PDE10A: variants seen among roughly 807,000 people sequenced by gnomAD.
PDE10A encodes cAMP and cAMP-inhibited cGMP 3',5'-cyclic phosphodiesterase 10A.
PDE10A carries 39 observed loss-of-function variants against 97.7 expected under a neutral mutation model. That is an observed-to-expected ratio of 0.40 (90% CI 0.31 to 0.52). The LOEUF is 0.52. PDE10A is among the 20% of genes least tolerant of loss of function. The pLI is 0.56. For synonymous variants in PDE10A, 371 were observed against 376.8 expected, an observed-to-expected ratio of 0.98 and a Z score of 0.18; for missense variants, 731 against 1,047.8, an observed-to-expected ratio of 0.70 and a Z score of 4.17.
intron 13 of PDE10A, chr6:165,409,797 C>T (rs1411064635): frequency 6.6e-6 from 1 of 151,350 alleles, no homozygotes; most frequent in Non-Finnish European, 1.5e-5. Context: ...CCAATATCAA[C>T]TAATACTAGT....
intron 2 of PDE10A, among the ~76,000 whole-genome samples, chr6:165,504,693 A>G (rs1322515795): frequency 1.3e-5 from 2 of 152,098 alleles, no homozygotes; most frequent in Non-Finnish European, 2.9e-5. Context: ...TATATTACTA[A>G]TAATAACCTA....
intron 1 of PDE10A, among the ~76,000 whole-genome samples, chr6:165,601,578 A>G (rs1413560482): frequency 1.3e-5 from 2 of 152,174 alleles, no homozygotes; most frequent in South Asian, 4.1e-4. Context: ...TCCTTTCACA[A>G]GAGTAATTAT....
rs572011813 is a variant in PDE10A, at chr6:165,428,238, A to G, written c.1653+420T>C. Among the ~76,000 whole-genome samples, 8 of 152,268 alleles carry G rather than the reference A, an allele frequency of 5.3e-5. No homozygotes were observed. In the South Asian group the frequency reaches 1.0e-3, roughly 20 times the overall value. ...CTCAGTAGCATAGGGAAATATGCCT[A>G]TAACTCTACGTCATACAGCTTTAGG... On this transcript the variant is annotated intron_variant, in intron 10 of 21. Transcript: ENST00000539869.
chr6:165,541,328 TA>T (rs999746304), intron 2 of PDE10A, among the ~76,000 whole-genome samples: 4 of 152,018 alleles, frequency 2.6e-5, no homozygotes, highest in African/African-American at 9.7e-5. Flanking sequence ...AAAAAAAAGT[TA>T]AGTGAGGAGG....
chr6:165,979,959 T>TGTTTATTCTACA (rs1343237630), intron 1 of PDE10A, among the ~76,000 whole-genome samples: 6 of 152,358 alleles, frequency 3.9e-5, no homozygotes, highest in African/African-American at 1.4e-4. Context: ...AATTCCTCAA[T>TGTTTATTCTACA]GTTTATTCTA....
intron 1 of PDE10A, among the ~76,000 whole-genome samples, chr6:165,647,532 T>C (rs146073924): frequency 6.7e-6 from 1 of 148,546 alleles, no homozygotes; most frequent in Admixed American, 6.7e-5. Flanking sequence ...ACAATCCCCT[T>C]TTTTTTTTTA....
chr6:165,438,210 C>G (rs1422136574), intron 5 of PDE10A, among the ~76,000 whole-genome samples: 1 of 151,562 alleles, frequency 6.6e-6, no homozygotes, highest in African/African-American at 2.4e-5. Context: ...TTTTTTGAGA[C>G]GGAGTTTCAC....
At chr6:165,385,544 G>A (rs1469464305) in intron 17 of PDE10A, among the ~76,000 whole-genome samples, 1 of 152,146 alleles carries the variant, frequency 6.6e-6, no homozygotes, top group Non-Finnish European at 1.5e-5. Context: ...AGGGATTTGT[G>A]GTTGCTCTGT....
intron 1 of PDE10A, among the ~76,000 whole-genome samples, chr6:165,792,333 C>T (rs1439118374): frequency 1.3e-5 from 2 of 152,206 alleles, no homozygotes; most frequent in Non-Finnish European, 2.9e-5. Context: ...GCCAGAGCAT[C>T]TCCTGTAAGG....
At chr6:165,607,532 G>A (rs538945972) in intron 1 of PDE10A, among the ~76,000 whole-genome samples, 1 of 152,108 alleles carries the variant, frequency 6.6e-6, no homozygotes, top group Admixed American at 6.6e-5. Flanking sequence ...TACCATCTAG[G>A]TTTGTTAAGT....
At chr6:165,826,489 C>G (rs1779754591) in intron 1 of PDE10A, among the ~76,000 whole-genome samples, 1 of 151,960 alleles carries the variant, frequency 6.6e-6, no homozygotes, top group Non-Finnish European at 1.5e-5. Flanking sequence ...CCCCACGTCC[C>G]TCTGTCCCTG....
At chr6:165,952,758 G>A (rs968792415) in intron 1 of PDE10A, among the ~76,000 whole-genome samples, 17 of 152,104 alleles carry the variant, frequency 1.1e-4, no homozygotes, top group African/African-American at 4.1e-4. Context: ...AGCTATCAGG[G>A]CTCACATGGG....
intron 1 of PDE10A, among the ~76,000 whole-genome samples, chr6:165,903,160 G>A (rs1287336152): frequency 6.6e-6 from 1 of 152,184 alleles, no homozygotes; most frequent in Non-Finnish European, 1.5e-5. Context: ...GTTAGGTGGG[G>A]TTCGGTTTTT....
intron 13 of PDE10A, among the ~76,000 whole-genome samples, chr6:165,400,732 T>G (rs2128220558): frequency 6.6e-6 from 1 of 152,330 alleles, no homozygotes; most frequent in South Asian, 2.1e-4. Context: ...GATGAAAGTC[T>G]ATGGCCACTT....
intron 1 of PDE10A, among the ~76,000 whole-genome samples, chr6:165,846,461 G>T (rs1175156900): frequency 1.3e-5 from 2 of 152,246 alleles, no homozygotes; most frequent in Non-Finnish European, 2.9e-5. Flanking sequence ...GCACCACCCT[G>T]TGTGAAGGCC....
At chr6:165,938,313 T>A (rs1380057347) in intron 1 of PDE10A, among the ~76,000 whole-genome samples, 1 of 152,232 alleles carries the variant, frequency 6.6e-6, no homozygotes, top group African/African-American at 2.4e-5. Context: ...ACTGTGAGCA[T>A]CTCTGAATAA....
intron 1 of PDE10A, among the ~76,000 whole-genome samples, chr6:165,877,096 T>A (rs921389943): frequency 1.3e-5 from 2 of 152,248 alleles, no homozygotes; most frequent in African/African-American, 4.8e-5. Flanking sequence ...ATTTAATTAT[T>A]ACTTTTGTTT....
intron 1 of PDE10A, among the ~76,000 whole-genome samples, chr6:165,681,745 T>G (rs1790984209): frequency 6.6e-6 from 1 of 152,240 alleles, no homozygotes; most frequent in Non-Finnish European, 1.5e-5. Context: ...ACCTCTTGTC[T>G]GTAGGTCACA....
chr6:165,952,793 C>A (rs1298735177), intron 1 of PDE10A, among the ~76,000 whole-genome samples: 1 of 152,014 alleles, frequency 6.6e-6, no homozygotes, highest in Admixed American at 6.6e-5. Flanking sequence ...ACACTGGGCT[C>A]CATCCACTTT....
Sources: gnomAD v4.1 joint callset for allele counts (sites outside exome capture counted in the v4.1 genomes callset) on GRCh38, gnomAD v4.1.1 for gene constraint, MANE v1.5 for transcripts, NCBI Gene and HGNC (gene_info 2026-07-23, HGNC 2026-07-21) for gene names.